MEF2A: variants seen among roughly 807,000 people sequenced by gnomAD.
The protein encoded by MEF2A is myocyte enhancer factor 2A.
MEF2A carries 28 observed loss-of-function variants against 55.8 expected under a neutral mutation model. The ratio of observed to expected loss-of-function variants is 0.50; its 90% confidence interval spans 0.37 to 0.69. The LOEUF (loss-of-function observed/expected upper bound fraction) is 0.69. MEF2A is among the 30% of genes least tolerant of loss of function. The pLI is 0.00. For missense variants in MEF2A, 528 were observed against 626.2 expected, an observed-to-expected ratio of 0.84 and a Z score of 1.67; for synonymous variants, 239 against 227.1, an observed-to-expected ratio of 1.05 and a Z score of -0.47.
intron 8 of MEF2A, among the ~76,000 whole-genome samples, chr15:99,695,698 A>G (rs2153742493): frequency 6.6e-6 from 1 of 152,200 alleles, no homozygotes; most frequent in East Asian, 1.9e-4. Flanking sequence ...TGTCTCTACT[A>G]AAAATACAGA....
intron 8 of MEF2A, among the ~76,000 whole-genome samples, chr15:99,700,663 T>C (rs1268782022): frequency 6.6e-6 from 1 of 152,144 alleles, no homozygotes; most frequent in African/African-American, 2.4e-5. Flanking sequence ...CACCATTTTC[T>C]AATACAAGGA....
intron 3 of MEF2A, among the ~76,000 whole-genome samples, chr15:99,640,837 G>A (rs938962289): frequency 6.6e-6 from 1 of 151,928 alleles, no homozygotes; most frequent in Non-Finnish European, 1.5e-5. Flanking sequence ...TGTGAGCCAC[G>A]GCGCCCAGCC....
intron 2 of MEF2A, among the ~76,000 whole-genome samples, chr15:99,632,555 G>C (rs1036776670): frequency 6.6e-6 from 1 of 152,132 alleles, no homozygotes; most frequent in African/African-American, 2.4e-5. Flanking sequence ...CCCTTACTAC[G>C]TGACCTTGGG....
intron 7 of MEF2A, among the ~76,000 whole-genome samples, chr15:99,678,924 G>A (rs967260099): frequency 1.3e-5 from 2 of 151,996 alleles, no homozygotes; most frequent in Non-Finnish European, 2.9e-5. Flanking sequence ...AAGAAAACTC[G>A]ACTTTTGAAA....
intron 9 of MEF2A, among the ~76,000 whole-genome samples, chr15:99,706,095 T>C (rs2058012159): frequency 6.6e-6 from 1 of 152,216 alleles, no homozygotes. Flanking sequence ...ATATTGCTCT[T>C]CCACTGCCCT....
intron 4 of MEF2A, chr15:99,657,471 A>T (rs2047934380): frequency 6.6e-6 from 1 of 152,116 alleles, no homozygotes; most frequent in Admixed American, 6.6e-5. Flanking sequence ...CTGTAAAAAC[A>T]GAACAAAAAA....
chr15:99,703,242 GTC>G, intron 8 of MEF2A, 118 bp from the exon 9 acceptor site: 3 of 849,724 alleles, frequency 3.5e-6, no homozygotes, highest in Non-Finnish European at 5.8e-6. Context: ...GTATATAATC[GTC>G]TCTTTAGAGT....
chr15:99,580,349 A>G (rs1965566343), intron 1 of MEF2A, among the ~76,000 whole-genome samples: 1 of 151,946 alleles, frequency 6.6e-6, no homozygotes, highest in Admixed American at 6.5e-5. Context: ...CACATGGTTT[A>G]GGGATAGTAT....
chr15:99,707,420 C>T (rs1169632489), intron 10 of MEF2A, among the ~76,000 whole-genome samples: 1 of 152,110 alleles, frequency 6.6e-6, no homozygotes, highest in Non-Finnish European at 1.5e-5. Flanking sequence ...TCCTCGGAGC[C>T]AGTCACTCTG....
intron 7 of MEF2A, among the ~76,000 whole-genome samples, chr15:99,689,228 C>T (rs2054886575): frequency 6.6e-6 from 1 of 152,102 alleles, no homozygotes; most frequent in African/African-American, 2.4e-5. Flanking sequence ...CTCAGTGAAG[C>T]TGAAGAAACA....
intron 2 of MEF2A, among the ~76,000 whole-genome samples, chr15:99,601,807 TTGTGTGTGTGTGTGTGTGTGTGTG>T (rs56729766): frequency 1.9e-4 from 26 of 138,820 alleles, no homozygotes; most frequent in Admixed American, 8.3e-4. Flanking sequence ...TTTGTCTGTT[TTGTGTGTGTGTGTGTGTGTGTGTG>T]TGTGTGTGTG....
chr15:99,712,262 G>C lies in MEF2A; in HGVS notation c.1137-128G>C. Reference sequence around the variant, plus strand: ...GCACTGAAGGAAACGACCCAAACCAGTCTTGGGGAACTCTGATAAGATTTC... The same window carrying C: ...GCACTGAAGGAAACGACCCAAACCACTCTTGGGGAACTCTGATAAGATTTC... On this transcript the variant is annotated intron_variant, in intron 11 of 11. Coordinates refer to ENST00000557942, the MANE Select transcript of MEF2A (RefSeq NM_001319206.4). This position sits in a 1 kb window ranked among gnomAD's most constrained non-coding sequence, Gnocchi z 4.1. 7.0e-7 allele frequency: 1 copy of C among 1,423,344 alleles called. No homozygotes were observed. The highest frequency in any genetic ancestry group is 2.5e-5 in the East Asian group (1 of 39,866). The allele number at this position is 1,423,344 out of a possible 1,614,324, so 88.2% of individuals were successfully genotyped here. A position where few individuals can be genotyped will look rare whatever the true frequency, so the allele number is the denominator to read the frequency against.
chr15:99,712,253 C>T lies in MEF2A; in HGVS notation c.1137-137C>T, dbSNP rs2058717311. ...TTGTGCCAAGCACTGAAGGAAACGACCCAAACCAGTCTTGGGGAACTCTGA... is the reference window on the plus strand; with the variant it reads ...TTGTGCCAAGCACTGAAGGAAACGATCCAAACCAGTCTTGGGGAACTCTGA... On this transcript the variant is annotated intron_variant, in intron 11 of 11. Transcript: ENST00000557942. This position sits in a 1 kb window ranked among gnomAD's most constrained non-coding sequence, Gnocchi z 4.1. 6 of 1,408,054 alleles carry T rather than the reference C, an allele frequency of 4.3e-6. No homozygotes were observed. Among genetic ancestry groups the T allele is most frequent in the Non-Finnish European group, 5.6e-6 (6 of 1,077,486 alleles). The allele number at this position is 1,408,054 out of a possible 1,614,324, so 87.2% of individuals were successfully genotyped here.
intron 1 of MEF2A, among the ~76,000 whole-genome samples, chr15:99,577,837 A>C (rs1322748571): frequency 6.6e-6 from 1 of 152,104 alleles, no homozygotes; most frequent in Non-Finnish European, 1.5e-5. Flanking sequence ...ACTTTGTAGA[A>C]TGTCTTTCAA....
intron 7 of MEF2A, among the ~76,000 whole-genome samples, chr15:99,685,179 C>G (rs2053982361): frequency 6.6e-6 from 1 of 152,088 alleles, no homozygotes. Flanking sequence ...TATGCAGGCT[C>G]TTTTGGTTCC....
chr15:99,648,240 T>C (rs2046298172), intron 4 of MEF2A, among the ~76,000 whole-genome samples: 1 of 152,170 alleles, frequency 6.6e-6, no homozygotes, highest in Non-Finnish European at 1.5e-5. Context: ...GAAGCAGGCT[T>C]TTTGATGCCC....
chr15:99,600,390 T>G (rs1351784309), intron 2 of MEF2A, among the ~76,000 whole-genome samples: 2 of 152,142 alleles, frequency 1.3e-5, no homozygotes, highest in African/African-American at 4.8e-5. Context: ...GAAATGTCCT[T>G]TCTTTTTGAA....
chr15:99,653,201 A>G (rs1357979025), intron 4 of MEF2A, among the ~76,000 whole-genome samples: 1 of 152,188 alleles, frequency 6.6e-6, no homozygotes, highest in African/African-American at 2.4e-5. Flanking sequence ...TATAGTCTAA[A>G]TGATCTTTCA....
chr15:99,632,872 C>G (rs781252673), intron 2 of MEF2A, 106 bp from the exon 3 acceptor site: 3 of 327,850 alleles, frequency 9.2e-6, no homozygotes, highest in Non-Finnish European at 1.1e-5. Flanking sequence ...GAAATTTCAA[C>G]TAATAATGCT....
Sources: allele counts gnomAD v4.1 joint callset (sites outside exome capture counted in the v4.1 genomes callset), GRCh38; gene constraint gnomAD v4.1.1; non-coding constraint Gnocchi (gnomAD v3.1); transcripts MANE v1.5; gene names NCBI Gene and HGNC (gene_info 2026-07-23, HGNC 2026-07-21).